The following ROBO2 variants were observed in gnomAD, a reference collection of about 807,000 sequenced individuals.
The protein encoded by ROBO2 is roundabout guidance receptor 2.
ROBO2 carries 53 observed loss-of-function variants against 160.8 expected under a neutral mutation model. The observed-to-expected ratio is 0.33, with a 90% CI of 0.26 to 0.41. The LOEUF (loss-of-function observed/expected upper bound fraction) is 0.41, where lower values mean the gene tolerates loss of function less well. Among genes scored for constraint, ROBO2 ranks in the 10% least tolerant of loss-of-function variants. ROBO2 has a pLI of 1.00. For synonymous variants in ROBO2, 664 were observed against 611.7 expected (o/e 1.09, Z -1.26); for missense variants, 1,577 against 1,722.4 (o/e 0.92, Z 1.49).
intron 2 of ROBO2, among the ~76,000 whole-genome samples, chr3:76,327,180 G>C (rs534099045): frequency 6.6e-6 from 1 of 152,118 alleles, no homozygotes; most frequent in South Asian, 2.1e-4. Context: ...ACTGATTTGA[G>C]TTTAAATGAC....
At chr3:76,397,667 C>A (rs1391649887) in intron 2 of ROBO2, among the ~76,000 whole-genome samples, 1 of 151,980 alleles carries the variant, frequency 6.6e-6, no homozygotes, top group Non-Finnish European at 1.5e-5. Flanking sequence ...GGGCGAAGGA[C>A]ATGAACAGAC....
chr3:76,379,250 A>G (rs1234422396), intron 2 of ROBO2, among the ~76,000 whole-genome samples: 1 of 152,232 alleles, frequency 6.6e-6, no homozygotes, highest in Non-Finnish European at 1.5e-5. Flanking sequence ...GCAACGAGAA[A>G]TGTCTCAATG....
chr3:76,451,793 T>C (rs2077488301), intron 2 of ROBO2, among the ~76,000 whole-genome samples: 2 of 152,190 alleles, frequency 1.3e-5, no homozygotes, highest in African/African-American at 4.8e-5. Flanking sequence ...GAAAATTCTT[T>C]CCTATGGATC....
intron 2 of ROBO2, among the ~76,000 whole-genome samples, chr3:76,778,836 C>G (rs1391239307): frequency 1.3e-5 from 2 of 151,010 alleles, no homozygotes; most frequent in African/African-American, 4.8e-5. Flanking sequence ...AGTGGTAACT[C>G]TTTGGTCCAC....
At chr3:75,990,810 G>A (rs1576402068) in intron 2 of ROBO2, among the ~76,000 whole-genome samples, 1 of 152,136 alleles carries the variant, frequency 6.6e-6, no homozygotes, top group Non-Finnish European at 1.5e-5. Context: ...TACCCAGGGA[G>A]CTGCTAAGAC....
At chr3:76,122,666 CCTTA>C (rs1451876760) in intron 2 of ROBO2, among the ~76,000 whole-genome samples, 2 of 151,920 alleles carry the variant, frequency 1.3e-5, no homozygotes, top group Non-Finnish European at 1.5e-5. Context: ...TCTTCTAAGT[CCTTA>C]CTTATTTTTT....
At chr3:75,963,021 G>C (rs1051530906) in intron 2 of ROBO2, among the ~76,000 whole-genome samples, 2 of 151,614 alleles carry the variant, frequency 1.3e-5, no homozygotes, top group East Asian at 3.9e-4. Flanking sequence ...AATACAGTTG[G>C]TATTGTGCCC....
intron 16 of ROBO2, among the ~76,000 whole-genome samples, chr3:77,583,527 A>G (rs564560114): frequency 7.4e-4 from 112 of 152,026 alleles, no homozygotes; most frequent in African/African-American, 2.6e-3. Context: ...TTTCTTTTAC[A>G]CTTTTCATTT....
At chr3:75,947,150 A>AT (rs2107147900) in intron 2 of ROBO2, among the ~76,000 whole-genome samples, 1 of 152,264 alleles carries the variant, frequency 6.6e-6, no homozygotes, top group Admixed American at 6.5e-5. Context: ...TCTTGATGAC[A>AT]TGAGGAAGTT....
At chr3:76,240,875 ATGTC>A (rs1446842406) in intron 2 of ROBO2, among the ~76,000 whole-genome samples, 1 of 152,220 alleles carries the variant, frequency 6.6e-6, no homozygotes, top group Non-Finnish European at 1.5e-5. Context: ...CAACTCTAAA[ATGTC>A]AGAACTTAGT....
intron 24 of ROBO2, among the ~76,000 whole-genome samples, chr3:77,640,803 A>C (rs535320357): frequency 1.3e-5 from 2 of 152,254 alleles, no homozygotes; most frequent in East Asian, 3.9e-4. Flanking sequence ...GTCTTTTTCC[A>C]ATTAGTTTAT....
chr3:76,137,325 G>A (rs1402271581), intron 2 of ROBO2, among the ~76,000 whole-genome samples: 3 of 151,926 alleles, frequency 2.0e-5, no homozygotes, highest in African/African-American at 4.8e-5. Flanking sequence ...TTTACAAAAT[G>A]TAGTAATTCT....
intron 23 of ROBO2, among the ~76,000 whole-genome samples, chr3:77,625,896 T>C (rs1023302907): frequency 1.3e-5 from 2 of 152,208 alleles, no homozygotes; most frequent in African/African-American, 4.8e-5. Flanking sequence ...TTTTAATGTA[T>C]ATTAATTCAT....
chr3:76,997,785 G>A (rs7632011), intron 2 of ROBO2, among the ~76,000 whole-genome samples: 6,980 of 152,184 alleles, frequency 0.046, 322 homozygotes, highest in African/African-American at 0.12. Context: ...TTTTGCTTAC[G>A]AAGCTGTGGA....
At chr3:76,533,174 T>C (rs2082317540) in intron 2 of ROBO2, among the ~76,000 whole-genome samples, 1 of 152,210 alleles carries the variant, frequency 6.6e-6, no homozygotes, top group Admixed American at 6.5e-5. Context: ...CTTTAGCCCA[T>C]GTGTATGCCA....
intron 1 of ROBO2, among the ~76,000 whole-genome samples, chr3:77,043,606 A>C (rs901250708): frequency 1.3e-5 from 2 of 152,206 alleles, no homozygotes; most frequent in African/African-American, 2.4e-5. Context: ...AATCACATCT[A>C]GACTTTTCTG....
In ROBO2 at chr3:76,140,377, A is replaced by G. The variant is rs1050200981; in HGVS notation, c.109+202775A>G. ...ATAAGGCTTAAGGATAATAATAGCT[A>G]GGGTAATCTGAGCCAAGCACTATTT... On this transcript the variant is annotated intron_variant, in intron 2 of 26. Coordinates refer to the ROBO2 transcript ENST00000487694. Among the ~76,000 whole-genome samples, 6 of 152,168 alleles carry G rather than the reference A, an allele frequency of 3.9e-5. No individual in the cohort carries two copies. In the East Asian group the frequency reaches 1.2e-3, roughly 30 times the overall value.
intron 2 of ROBO2, among the ~76,000 whole-genome samples, chr3:76,561,009 A>G (rs1040360239): frequency 3.4e-5 from 5 of 148,364 alleles, no homozygotes; most frequent in Admixed American, 2.7e-4. Flanking sequence ...TACAAGCTCA[A>G]CAGTCAAGCT....
intron 2 of ROBO2, among the ~76,000 whole-genome samples, chr3:76,056,842 A>G (rs1229913170): frequency 1.1e-4 from 17 of 152,214 alleles, no homozygotes; most frequent in Non-Finnish European, 2.2e-4. Context: ...AGGAAAGTGT[A>G]ATGTCAGATG....
Sources: gnomAD v4.1 joint callset for allele counts (sites outside exome capture counted in the v4.1 genomes callset) on GRCh38, gnomAD v4.1.1 for gene constraint, MANE v1.5 for transcripts, NCBI Gene and HGNC (gene_info 2026-07-23, HGNC 2026-07-21) for gene names.